IL9R: variants seen among roughly 807,000 people sequenced by gnomAD.
IL9R encodes the protein interleukin-9 receptor.
A neutral mutation model predicts 56.3 loss-of-function variants in IL9R; 54 were observed. The ratio of observed to expected loss-of-function variants is 0.96; its 90% CI spans 0.77 to 1.20. IL9R has a LOEUF of 1.20. Among genes scored for constraint, IL9R ranks in the 50% most tolerant of loss-of-function variants. The pLI, the probability that IL9R is intolerant of heterozygous loss-of-function variation, is 0.00. For synonymous variants in IL9R, 212 were observed against 250.2 expected, an observed-to-expected ratio of 0.85 and a Z score of 1.44; for missense variants, 545 against 629.8, an observed-to-expected ratio of 0.87 and a Z score of 1.44.
chrX:156,003,212 C>T (rs1000975891), intron 2 of IL9R, among the ~76,000 whole-genome samples, 193 bp downstream of exon 2: 5 of 152,070 alleles, frequency 3.3e-5, no homozygotes, highest in Non-Finnish European at 5.9e-5. Flanking sequence ...ATTCCCTGGA[C>T]CGACTGTAGT....
At chrX:156,000,935 A>T (rs1412644749) in intron 1 of IL9R, among the ~76,000 whole-genome samples, 3 of 152,122 alleles carry the variant, frequency 2.0e-5, no homozygotes, top group East Asian at 3.9e-4. Context: ...TCTGAGCCTC[A>T]GTTTCTTCAT....
At chrX:156,003,610 C>T in intron 3 of IL9R, 50 bp downstream of exon 3, 2 of 1,610,914 alleles carry the variant, frequency 1.2e-6, no homozygotes, top group Non-Finnish European at 1.7e-6. Context: ...GGTGAGTTCC[C>T]CAGGATTGAA....
intron 8 of IL9R, 55 bp downstream of exon 8, chrX:156,007,662 G>C: frequency 1.7e-6 from 1 of 585,494 alleles, no homozygotes; most frequent in African/African-American, 1.3e-4. Flanking sequence ...CAGAGCTCTG[G>C]CCTGCCCAAG....
chrX:156,009,051 CTG>C (rs1245402314), intron 8 of IL9R, among the ~76,000 whole-genome samples: 214 of 99,052 alleles, frequency 2.2e-3, no homozygotes, highest in East Asian at 4.6e-3. Flanking sequence ...GTGTTTGTGT[CTG>C]TGTGTGTTTG....
chrX:156,006,182 C>T lies in IL9R; in HGVS notation c.881C>T (p.Ser294Leu), dbSNP rs139076080. The part of the protein sequence containing the change: ...TGPTYLLFKL[S>L]PRVKRIFYQN... ...CCGACCTACCTCCTGTTCAAGCTGT[C>T]GCCCAGGTAGGTGGCTGATGTGTGC... The change falls in exon 7 of 9, where the codon TCG (serine) becomes TTG (leucine). Residue 294 changes from serine (S) to leucine (L), a missense_variant. Transcript: ENST00000244174. 3.3e-4 allele frequency: 426 copies of T among 1,292,748 alleles called. No individual in the cohort carries two copies. The African/African-American group carries it at 5.3e-3, about 16-fold the overall frequency. The allele number at this position is 1,292,748 out of a possible 1,614,324, so 80.1% of individuals were successfully genotyped here. A position where few individuals can be genotyped will look rare whatever the true frequency, so the allele number is the denominator to read the frequency against.
intron 5 of IL9R, among the ~76,000 whole-genome samples, chrX:156,005,000 T>G (rs1475665797): frequency 3.9e-5 from 6 of 152,128 alleles, no homozygotes; most frequent in South Asian, 2.1e-4. Flanking sequence ...CTTTTGTTTA[T>G]GAGTGTGCAT....
rs1210151777 is a variant in IL9R at position 156,009,819 on chromosome X, T to C, written c.976T>C (p.Trp326Arg). The change falls in exon 9 of 9, where the codon TGG (tryptophan) becomes CGG (arginine). Residue 326 changes from tryptophan (W) to arginine (R), a missense_variant. Transcript: ENST00000244174. ...CTCCTCCCGTGCTCTGTTCCAGACTTGGATGGGGGCCCACGGGGCCGGTGT... is the reference window on the plus strand; with the variant it reads ...CTCCTCCCGTGCTCTGTTCCAGACTCGGATGGGGGCCCACGGGGCCGGTGT... ...YSVHNGNFQT[W>R]MGAHGAGVLL... The C allele has an allele frequency of 5.7e-6, 8 of 1,395,604 alleles. No individual in the cohort carries two copies. Among genetic ancestry groups the C allele is most frequent in the Non-Finnish European group, 5.6e-6 (6 of 1,067,518 alleles). The allele number at this position is 1,395,604 out of a possible 1,614,324, so 86.5% of individuals were successfully genotyped here. A position where few individuals can be genotyped will look rare whatever the true frequency, so the allele number is the denominator to read the frequency against.
chrX:156,008,921 CTGTG>C (rs1240736299), intron 8 of IL9R, among the ~76,000 whole-genome samples: 35 of 113,808 alleles, frequency 3.1e-4, no homozygotes, highest in African/African-American at 1.5e-3. Context: ...GTGTGTGTGT[CTGTG>C]TGTGTGTTTG....
rs745763568 is a variant in IL9R at position 156,001,584 on chromosome X, G to A, written c.29-1322G>A. Reference sequence around the variant, plus strand: ...TGTATACGCTGCCGGGAGTGGGGCAGAGTGGGGTTAGAGTAGTGCCTGCTG... The same window carrying A: ...TGTATACGCTGCCGGGAGTGGGGCAAAGTGGGGTTAGAGTAGTGCCTGCTG... On this transcript the variant is annotated intron_variant, in intron 1 of 8. Transcript: ENST00000244174. 4.7e-6 allele frequency: 5 copies of A among 1,067,878 alleles called. No individual in the cohort carries two copies. In the South Asian group the frequency reaches 6.2e-5, roughly 13 times the overall value. The allele number at this position is 1,067,878 out of a possible 1,614,324, so 66.2% of individuals were successfully genotyped here.
intron 8 of IL9R, 102 bp downstream of exon 8, chrX:156,007,709 G>A (rs965215148): frequency 2.2e-5 from 13 of 586,596 alleles, no homozygotes; most frequent in Admixed American, 3.6e-5. Flanking sequence ...GCCAGTATGG[G>A]AGGCTTGTCA....
At chrX:156,007,240 A>G (rs1473678850) in intron 7 of IL9R, among the ~76,000 whole-genome samples, 1 of 137,852 alleles carries the variant, frequency 7.3e-6, no homozygotes, top group Non-Finnish European at 1.5e-5. Context: ...TCCCTCTGTG[A>G]TCTGAGGACC....
chrX:155,999,578 T>A (rs888749112), intron 1 of IL9R, among the ~76,000 whole-genome samples: 1 of 152,090 alleles, frequency 6.6e-6, no homozygotes, highest in Admixed American at 6.5e-5. Context: ...GGATTCCCAC[T>A]GTGCTGAAGG....
intron 7 of IL9R, 43 bp downstream of exon 7, chrX:156,006,231 C>T: frequency 1.3e-6 from 1 of 753,238 alleles, no homozygotes; most frequent in Non-Finnish European, 2.3e-6. Context: ...TGTGAGCGGG[C>T]AAGAGTGTGC....
chrX:156,002,907 C>T lies in IL9R; in HGVS notation c.30C>T (p.Gly10=). The T allele has an allele frequency of 6.2e-7, 1 of 1,613,860 alleles. No homozygotes were observed. The highest frequency in any genetic ancestry group is 8.5e-7 in the Non-Finnish European group (1 of 1,179,862). The change falls in exon 2 of 9, where the codon GGC becomes GGT. Residue 10 remains glycine, a splice_region_variant and synonymous_variant. Coordinates refer to ENST00000244174, the MANE Select transcript of IL9R (RefSeq NM_002186.3). MGLGRCIWE[G]WTLESEALRR... ...GGCCCTCAGCCCAGTCCCTTGCAGG[C>T]TGGACCTTGGAGAGTGAGGCCCTGA...
Position 156,003,155 on chromosome X carries a change from G to A in IL9R, c.142+136G>A, listed in dbSNP as rs1446010179. 32 of 1,053,326 alleles carry A rather than the reference G, an allele frequency of 3.0e-5. No homozygotes were observed. The East Asian group carries it at 7.7e-4, about 25-fold the overall frequency. The allele number at this position is 1,053,326 out of a possible 1,614,324, so 65.2% of individuals were successfully genotyped here. A position where few individuals can be genotyped will look rare whatever the true frequency, so the allele number is the denominator to read the frequency against. ...GCTGGGGCATGTCCTCTAGGGGTCAGCCTGGACCTCAGTCTCTAGTCTCCC... is the reference window on the plus strand; with the variant it reads ...GCTGGGGCATGTCCTCTAGGGGTCAACCTGGACCTCAGTCTCTAGTCTCCC... On this transcript the variant is annotated intron_variant, in intron 2 of 8. Transcript: ENST00000244174.
chrX:156,005,909 A>T (rs1476061613), intron 6 of IL9R, among the ~76,000 whole-genome samples, 174 bp from the exon 7 acceptor site: 1 of 139,810 alleles, frequency 7.2e-6, no homozygotes, highest in Non-Finnish European at 1.5e-5. Context: ...CAGGTGACAC[A>T]AACCTCCAAG....
chrX:156,001,660 G>T (rs1233891852), intron 1 of IL9R, among the ~76,000 whole-genome samples: 1 of 11,848 alleles, frequency 8.4e-5, no homozygotes, highest in African/African-American at 3.5e-4. Context: ...TGCGTGTCTG[G>T]TTTTTTCCTC....
In IL9R at chrX:156,005,449, C is replaced by A. The variant is rs762218364; in HGVS notation, c.751C>A (p.Pro251Thr). 3 of 1,612,990 alleles carry A rather than the reference C, an allele frequency of 1.9e-6. No homozygotes were observed. Among genetic ancestry groups the A allele is most frequent in the South Asian group, 2.2e-5 (2 of 91,006 alleles). ...YTGQWSEWSQ[P>T]VCFQAPQRQG... ...AGGCCAGTGGAGTGAGTGGAGCCAG[C>A]CTGTGTGCTTCCAGGCTCCCCAGAG... Residue 251 changes from proline (P) to threonine (T), a missense_variant, in exon 6 of 9, where the codon CCT (proline) becomes ACT (threonine). Pro to Thr is a conservative substitution (Grantham distance 38). Coordinates refer to ENST00000244174, the MANE Select transcript of IL9R (RefSeq NM_002186.3).
At chrX:156,002,501 G>C (rs1283811330) in intron 1 of IL9R, among the ~76,000 whole-genome samples, 1 of 152,228 alleles carries the variant, frequency 6.6e-6, no homozygotes, top group African/African-American at 2.4e-5. Flanking sequence ...TATGGTGGTT[G>C]TTGGTAGTGA....
Sources: allele counts gnomAD v4.1 joint callset (sites outside exome capture counted in the v4.1 genomes callset), GRCh38; gene constraint gnomAD v4.1.1; transcripts MANE v1.5; gene names NCBI Gene and HGNC (gene_info 2026-07-23, HGNC 2026-07-21).